Variants in DLGAP2 observed in about 807,000 individuals in gnomAD.
DLGAP2 encodes the protein disks large-associated protein 2.
DLGAP2 carries 26 observed loss-of-function variants against 100.3 expected under a neutral mutation model. The ratio of observed to expected loss-of-function variants is 0.26; its 90% CI spans 0.19 to 0.36. The LOEUF is 0.36. Ranked by LOEUF, DLGAP2 falls within the 10% of genes least tolerant of loss-of-function variation. The pLI is 1.00. For synonymous variants in DLGAP2, 886 were observed against 630.1 expected, an observed-to-expected ratio of 1.41 and a Z score of -6.08; for missense variants, 1,858 against 1,453.2, an observed-to-expected ratio of 1.28 and a Z score of -4.53.
At chr8:867,122 C>T (rs1797513545) in intron 1 of DLGAP2, among the ~76,000 whole-genome samples, 1 of 152,216 alleles carries the variant, frequency 6.6e-6, no homozygotes, top group Non-Finnish European at 1.5e-5. Context: ...TCACCGTGGG[C>T]AAAGTGACCA....
At chr8:782,709 C>T (rs981124298) in intron 1 of DLGAP2, among the ~76,000 whole-genome samples, 1 of 152,156 alleles carries the variant, frequency 6.6e-6, no homozygotes, top group East Asian at 1.9e-4. Flanking sequence ...TTTCTCTACT[C>T]ATCCCTTTTG....
intron 3 of DLGAP2, among the ~76,000 whole-genome samples, chr8:1,334,827 C>T (rs746562146): frequency 5.9e-5 from 9 of 152,096 alleles, no homozygotes; most frequent in Non-Finnish European, 1.3e-4. Context: ...GGAAGAGACA[C>T]GAAATTGCCT....
intron 2 of DLGAP2, among the ~76,000 whole-genome samples, chr8:1,219,271 T>A (rs1446432743): frequency 6.6e-6 from 1 of 152,224 alleles, no homozygotes; most frequent in Non-Finnish European, 1.5e-5. Context: ...CATAGATGGC[T>A]CTTATTTTGA....
At chr8:851,908 C>G (rs1797189357) in intron 1 of DLGAP2, among the ~76,000 whole-genome samples, 1 of 152,126 alleles carries the variant, frequency 6.6e-6, no homozygotes, top group South Asian at 2.1e-4. Context: ...CTGGAGCTGT[C>G]TTTATTATTA....
rs148403073 is a variant in DLGAP2, at chr8:928,356, C to G, written c.73+20390C>G. The stretch of plus-strand genomic sequence containing the variant: ...GTCGAGTTTGCGTTCACTAGGTGTC[C>G]TGGTCGGGGATTTACGGAGGTCGAG... On this transcript the variant is annotated intron_variant, in intron 2 of 14. Coordinates refer to ENST00000637795, the MANE Select transcript of DLGAP2 (RefSeq NM_001346810.2). 9.3e-4 allele frequency among the ~76,000 whole-genome samples: 141 copies of G among 152,208 alleles called. 2 individuals carry two copies. The highest frequency in any genetic ancestry group is 3.3e-3 in the African/African-American group (139 of 41,526).
At chr8:1,297,746 T>C (rs1386280774) in intron 3 of DLGAP2, among the ~76,000 whole-genome samples, 1 of 98,302 alleles carries the variant, frequency 1.0e-5, no homozygotes, top group Non-Finnish European at 2.0e-5. Flanking sequence ...AGACACCATG[T>C]GAGACGGAGG....
intron 1 of DLGAP2, among the ~76,000 whole-genome samples, chr8:884,220 T>C (rs1394602558): frequency 6.6e-6 from 1 of 152,226 alleles, no homozygotes; most frequent in Non-Finnish European, 1.5e-5. Context: ...TGTCATACTG[T>C]CTTCCACAAT....
At chr8:1,206,553 A>T (rs1797997564) in intron 2 of DLGAP2, among the ~76,000 whole-genome samples, 1 of 149,978 alleles carries the variant, frequency 6.7e-6, no homozygotes, top group Non-Finnish European at 1.5e-5. Context: ...GTGAGCGGTT[A>T]ATCTCCAGCC....
At chr8:1,305,014 A>G (rs960911445) in intron 3 of DLGAP2, among the ~76,000 whole-genome samples, 4 of 152,214 alleles carry the variant, frequency 2.6e-5, no homozygotes, top group African/African-American at 9.6e-5. Flanking sequence ...AGGAGGTATC[A>G]TACATGGTTT....
intron 8 of DLGAP2, among the ~76,000 whole-genome samples, chr8:1,649,084 A>G (rs1458351112): frequency 6.6e-6 from 1 of 152,196 alleles, no homozygotes; most frequent in Non-Finnish European, 1.5e-5. Flanking sequence ...ATTTAACTTT[A>G]TTCTCCAGAA....
chr8:1,564,114 A>G (rs1298034037), intron 5 of DLGAP2, among the ~76,000 whole-genome samples: 1 of 152,082 alleles, frequency 6.6e-6, no homozygotes, highest in Non-Finnish European at 1.5e-5. Context: ...AGTTCTCTAC[A>G]CTCAGCGACT....
chr8:1,222,903 C>G (rs1226938396), intron 2 of DLGAP2, among the ~76,000 whole-genome samples: 2 of 152,124 alleles, frequency 1.3e-5, no homozygotes, highest in African/African-American at 2.4e-5. Context: ...GCCAGCCGTG[C>G]TCTCTCCTGG....
intron 8 of DLGAP2, among the ~76,000 whole-genome samples, chr8:1,636,499 C>T (rs1272628386): frequency 1.3e-5 from 2 of 152,148 alleles, no homozygotes; most frequent in Non-Finnish European, 2.9e-5. Flanking sequence ...GGTAGAATAA[C>T]TGTTTTTCAA....
chr8:1,292,861 G>C (rs1800091597), intron 3 of DLGAP2, among the ~76,000 whole-genome samples: 1 of 152,086 alleles, frequency 6.6e-6, no homozygotes, highest in Admixed American at 6.5e-5. Context: ...AGCCTACGCT[G>C]CCTCCTCCAG....
At chr8:1,288,691 G>C (rs1340107495) in intron 3 of DLGAP2, among the ~76,000 whole-genome samples, 1 of 149,432 alleles carries the variant, frequency 6.7e-6, no homozygotes, top group Admixed American at 6.7e-5. Flanking sequence ...GTGTGTGTGT[G>C]TGTGTGTGGT....
At chr8:1,178,368 G>A (rs183770315) in intron 2 of DLGAP2, among the ~76,000 whole-genome samples, 1 of 152,098 alleles carries the variant, frequency 6.6e-6, no homozygotes, top group Non-Finnish European at 1.5e-5. Flanking sequence ...CAGCAGTGGC[G>A]GTGGCAGTGG....
At chr8:1,203,530 C>G (rs904387312) in intron 2 of DLGAP2, among the ~76,000 whole-genome samples, 7 of 152,158 alleles carry the variant, frequency 4.6e-5, no homozygotes, top group Admixed American at 2.6e-4. Flanking sequence ...TCAGCGATCT[C>G]TGTGGAACAG....
At chr8:1,507,152 G>T (rs1045749154) in intron 4 of DLGAP2, among the ~76,000 whole-genome samples, 2 of 152,214 alleles carry the variant, frequency 1.3e-5, no homozygotes, top group Non-Finnish European at 2.9e-5. Flanking sequence ...CCTGCCAGGC[G>T]CCTGCACTCC....
chr8:1,029,213 C>T lies in DLGAP2; in HGVS notation c.73+121247C>T, dbSNP rs149380726. 3.3e-5 allele frequency among the ~76,000 whole-genome samples: 5 copies of T among 152,254 alleles called. No individual in the cohort carries two copies. In the East Asian group the frequency reaches 9.7e-4, roughly 29 times the overall value. On this transcript the variant is annotated intron_variant, in intron 2 of 14. Transcript: ENST00000637795. ...CTGTAGAAAGTCCACAGAGCCTGCA[C>T]TGGAACCGCTTGGGAAAGATTCTTC...
Sources: allele counts gnomAD v4.1 joint callset (sites outside exome capture counted in the v4.1 genomes callset), GRCh38; gene constraint gnomAD v4.1.1; transcripts MANE v1.5; gene names NCBI Gene and HGNC (gene_info 2026-07-23, HGNC 2026-07-21).